Variants in CPT2 observed in about 807,000 individuals in gnomAD.
CPT2 encodes carnitine palmitoyltransferase 2.
A neutral mutation model predicts 48.6 loss-of-function variants in CPT2; 37 were observed. The observed-to-expected ratio is 0.76, with a 90% CI of 0.59 to 1.00. The LOEUF (loss-of-function observed/expected upper bound fraction) is 1.00, where lower values mean the gene tolerates loss of function less well. CPT2 is among the 50% of genes least tolerant of loss of function. The pLI, the probability that CPT2 is intolerant of heterozygous loss-of-function variation, is 0.00. For synonymous variants in CPT2, 319 were observed against 326.9 expected (o/e 0.98, Z 0.26); for missense variants, 772 against 825.6 (o/e 0.94, Z 0.80).
rs200399018 is a variant in CPT2 at position 53,211,071 on chromosome 1, T to C, written c.1397T>C (p.Val466Ala). 6.9e-5 allele frequency: 111 copies of C among 1,614,060 alleles called. No homozygotes were observed. The highest frequency in any genetic ancestry group is 9.1e-5 in the Non-Finnish European group (107 of 1,180,032). ...AAGCAAAAGCTGAGCCCTGACGCAG[T>C]TGCCCAGCTGGCATTCCAGATGGCC... ...LKKQKLSPDA[V>A]AQLAFQMAFL... The change falls in exon 4 of 5, where the codon GTT (valine) becomes GCT (alanine). Residue 466 changes from valine to alanine, a missense_variant. Val to Ala is a moderately conservative substitution (Grantham distance 64). Coordinates refer to ENST00000371486, the MANE Select transcript of CPT2 (RefSeq NM_000098.3).
intron 4 of CPT2, chr1:53,211,598 TTC>T: frequency 8.5e-6 from 4 of 468,322 alleles, no homozygotes; most frequent in South Asian, 8.2e-5. Flanking sequence ...TCTTTTTTCT[TTC>T]TTTTTTTTTT....
chr1:53,200,493 A>T (rs747126717), intron 1 of CPT2: 11 of 465,994 alleles, frequency 2.4e-5, no homozygotes, highest in Non-Finnish European at 4.3e-5. Flanking sequence ...TAAAATAATT[A>T]TATTTGTATT....
Position 53,197,081 on chromosome 1 carries a change from G to A in CPT2, c.138G>A (p.Gln46=), listed in dbSNP as rs1645328138. Residue 46 remains glutamine, a synonymous_variant, in exon 1 of 5, where the codon CAG becomes CAA. Coordinates refer to ENST00000371486, the MANE Select transcript of CPT2 (RefSeq NM_000098.3). Reference sequence around the variant, plus strand: ...GCATCGTGCCCACCATGCACTACCAGGACAGCCTGCCCAGGTGAGCCTGGC... The same window carrying A: ...GCATCGTGCCCACCATGCACTACCAAGACAGCCTGCCCAGGTGAGCCTGGC... The part of the protein sequence containing the change: ...QRSIVPTMHY[Q]DSLPRLPIPK... The A allele has an allele frequency of 6.5e-7, 1 of 1,538,962 alleles. No individual in the cohort carries two copies. Among genetic ancestry groups the A allele is most frequent in the Non-Finnish European group, 8.7e-7 (1 of 1,146,518 alleles).
rs1245545997 is a variant in CPT2 at position 53,213,537 on chromosome 1, TGGA to T, written c.1921_1923del (p.Glu641del). ...AATGCCCGGGAGTTTCTCCAATGTG[TGGA>T]GAAGGCCTTAGAAGACATGTTTGAT... On this transcript the variant is annotated inframe_deletion, in exon 5 of 5. Coordinates refer to ENST00000371486, the MANE Select transcript of CPT2 (RefSeq NM_000098.3). 1 of 1,614,202 alleles carries T rather than the reference TGGA, an allele frequency of 6.2e-7. No homozygotes were observed. The highest frequency in any genetic ancestry group is 1.7e-5 in the Admixed American group (1 of 60,034).
rs963178098 is a variant in CPT2, at chr1:53,213,975, A to G, written c.*380A>G. ...GGGGCCTGTGTAGCCAGTGGGTGCT[A>G]TTCTGTGAAACTAATCATAAGCTGC... On this transcript the variant is annotated 3_prime_UTR_variant, in exon 5 of 5. Coordinates refer to ENST00000371486, the MANE Select transcript of CPT2 (RefSeq NM_000098.3). The G allele has an allele frequency of 2.4e-5, 6 of 253,884 alleles. No individual in the cohort carries two copies. The highest frequency in any genetic ancestry group is 6.8e-5 in the African/African-American group (3 of 44,086). 15.7% of individuals were successfully genotyped at this position (253,884 alleles called of 1,614,324 possible).
chr1:53,211,974 C>T (rs1367366630), intron 4 of CPT2, among the ~76,000 whole-genome samples: 1 of 151,892 alleles, frequency 6.6e-6, no homozygotes, highest in African/African-American at 2.4e-5. Context: ...CTCACTGCAA[C>T]CTCAACTTCC....
Position 53,200,762 on chromosome 1 carries a change from A to C in CPT2, c.196A>C (p.Ser66Arg), listed in dbSNP as rs1263437868. 1.2e-6 allele frequency: 2 copies of C among 1,614,040 alleles called. No individual in the cohort carries two copies. Among genetic ancestry groups the C allele is most frequent in the Admixed American group, 3.3e-5 (2 of 60,012 alleles). Reference sequence around the variant, plus strand: ...TGAAGACACCATTAGGAGATACCTCAGTGCACAGAAGCCTCTCTTGAATGA... The same window carrying C: ...TGAAGACACCATTAGGAGATACCTCCGTGCACAGAAGCCTCTCTTGAATGA... ...KLEDTIRRYL[S>R]AQKPLLNDGQ... The change falls in exon 2 of 5, where the codon AGT becomes CGT. Residue 66 changes from serine to arginine, a missense_variant. Physicochemically the swap from Ser to Arg is moderately radical, Grantham distance 110 (BLOSUM62 -1). Coordinates refer to ENST00000371486, the MANE Select transcript of CPT2 (RefSeq NM_000098.3).
intron 3 of CPT2, among the ~76,000 whole-genome samples, chr1:53,206,091 G>A (rs1156939179): frequency 6.6e-6 from 1 of 150,832 alleles, no homozygotes; most frequent in African/African-American, 2.4e-5. Context: ...GCTGAGGCAG[G>A]AGAATAGCGT....
chr1:53,211,678 C>T lies in CPT2; in HGVS notation c.1645+359C>T, dbSNP rs1417230405. The T allele has an allele frequency of 2.3e-5, 7 of 304,778 alleles. No individual in the cohort carries two copies. In the Admixed American group the frequency reaches 2.9e-4, roughly 13 times the overall value. The allele number at this position is 304,778 out of a possible 1,614,324, so 18.9% of individuals were successfully genotyped here. A position where few individuals can be genotyped will look rare whatever the true frequency, so the allele number is the denominator to read the frequency against. ...GCAATGGCGTGATCTCGGCTCACTG[C>T]AACCTCCACCCCCAGGTTCAAGTGA... On this transcript the variant is annotated intron_variant, in intron 4 of 4. Coordinates refer to ENST00000371486, the MANE Select transcript of CPT2 (RefSeq NM_000098.3).
At chr1:53,206,606 A>T (rs1645391374) in intron 3 of CPT2, among the ~76,000 whole-genome samples, 1 of 152,248 alleles carries the variant, frequency 6.6e-6, no homozygotes, top group African/African-American at 2.4e-5. Flanking sequence ...TGGAGCTTTA[A>T]GATTTAATGG....
chr1:53,199,895 T>G (rs1645344699), intron 1 of CPT2: 1 of 152,230 alleles, frequency 6.6e-6, no homozygotes, highest in Admixed American at 6.5e-5. Flanking sequence ...ACTGATACAT[T>G]TCAGTATTTT....
chr1:53,203,509 C>T (rs1311243337), intron 3 of CPT2: 1 of 152,164 alleles, frequency 6.6e-6, no homozygotes, highest in Non-Finnish European at 1.5e-5. Context: ...TATGTGCTTA[C>T]TAATTTACCC....
intron 1 of CPT2, among the ~76,000 whole-genome samples, chr1:53,197,755 A>G (rs1645332627): frequency 6.6e-6 from 1 of 151,750 alleles, no homozygotes; most frequent in African/African-American, 2.4e-5. Flanking sequence ...CACTCTCTCC[A>G]AGCCCTCCTC....
chr1:53,198,483 G>A (rs1355402088), intron 1 of CPT2, among the ~76,000 whole-genome samples: 1 of 152,188 alleles, frequency 6.6e-6, no homozygotes, highest in Non-Finnish European at 1.5e-5. Flanking sequence ...AAGAAAAAGG[G>A]GCTTTGTGCC....
intron 4 of CPT2, among the ~76,000 whole-genome samples, chr1:53,212,296 C>G (rs951325985): frequency 6.6e-6 from 1 of 152,096 alleles, no homozygotes; most frequent in African/African-American, 2.4e-5. Context: ...AACTCCTGAC[C>G]TCATGATCTA....
chr1:53,207,217 A>C (rs1330730411), intron 3 of CPT2, among the ~76,000 whole-genome samples: 6 of 152,216 alleles, frequency 3.9e-5, no homozygotes, highest in Admixed American at 1.3e-4. Flanking sequence ...AAGTCAGTTA[A>C]GCTTCTCTTC....
Position 53,210,129 on chromosome 1 carries a change from C to A in CPT2, c.455C>A (p.Ala152Glu). 1.9e-6 allele frequency: 3 copies of A among 1,614,186 alleles called. No homozygotes were observed. The South Asian group carries it at 3.3e-5, about 18-fold the overall frequency. The change falls in exon 4 of 5, where the codon GCA becomes GAA. Residue 152 changes from alanine to glutamate, a missense_variant. Ala to Glu is a moderately radical substitution (Grantham distance 107). Coordinates refer to ENST00000371486, the MANE Select transcript of CPT2 (RefSeq NM_000098.3). ...KSEYNDQLTR[A>E]TNMTVSAIRF... ...GAGTATAATGACCAGCTCACCCGGG[C>A]AACCAACATGACTGTTTCTGCCATC...
intron 3 of CPT2, among the ~76,000 whole-genome samples, chr1:53,205,127 T>A (rs1437076622): frequency 2.0e-5 from 3 of 152,180 alleles, no homozygotes; most frequent in Non-Finnish European, 4.4e-5. Flanking sequence ...CAGGAAGATG[T>A]CAGACAGTTT....
In CPT2 at chr1:53,210,022, G is replaced by A. The variant is rs1553169590; in HGVS notation, c.348G>A (p.Trp116Ter). Residue 116 changes from tryptophan (W) to a stop codon, truncating the protein, a stop_gained, in exon 4 of 5, where the codon TGG becomes TGA. Coordinates refer to ENST00000371486, the MANE Select transcript of CPT2 (RefSeq NM_000098.3). LOFTEE classifies it high-confidence loss of function. ...TTTCTTTTTATTTTTTAGGACCCTG[G>A]TTTGATATGTACCTATCTGCTCGAG... Reference protein sequence around the residue: ...NKHTSYISGPWFDMYLSARDS... With the variant: ...NKHTSYISGP 1 of 1,613,420 alleles carries A rather than the reference G, an allele frequency of 6.2e-7. No individual in the cohort carries two copies. Among genetic ancestry groups the A allele is most frequent in the South Asian group, 1.1e-5 (1 of 91,024 alleles).
Sources: allele counts gnomAD v4.1 joint callset (sites outside exome capture counted in the v4.1 genomes callset), GRCh38; gene constraint gnomAD v4.1.1; transcripts MANE v1.5; gene names NCBI Gene and HGNC (gene_info 2026-07-23, HGNC 2026-07-21).